KIF13A: variants seen among roughly 807,000 people sequenced by gnomAD.
The protein encoded by KIF13A is kinesin-like protein KIF13A.
A neutral mutation model predicts 212.2 loss-of-function variants in KIF13A; 79 were observed. The ratio of observed to expected loss-of-function variants is 0.37; its 90% CI spans 0.31 to 0.45. The LOEUF (loss-of-function observed/expected upper bound fraction) is 0.45. Ranked by LOEUF, KIF13A falls within the 20% of genes least tolerant of loss-of-function variation. The probability of loss-of-function intolerance (pLI) is 1.00; values close to 1 mark genes in which losing one functional copy is unlikely to be tolerated. For missense variants in KIF13A, 1,901 were observed against 2,209.0 expected (o/e 0.86, Z 2.79); for synonymous variants, 789 against 808.6 (o/e 0.98, Z 0.41).
At position 17,898,940 on chromosome 6, in the gene KIF13A, ATCC is replaced by A. The variant is rs1430790689; in HGVS notation, c.147-763_147-761del. Among the ~76,000 whole-genome samples the A allele has an allele frequency of 3.9e-5, 6 of 152,062 alleles. No homozygotes were observed. The East Asian group carries it at 1.2e-3, about 29-fold the overall frequency. On this transcript the variant is annotated intron_variant, in intron 2 of 38. Transcript: ENST00000259711. The surrounding 1 kb of genome is among the most constrained non-coding windows in gnomAD (Gnocchi z 5.2). ...AACCTTGAACTCCTGGGCTCAACTG[ATCC>A]TCCTACCTCAGCCTCCCACATAACT...
Position 17,817,049 on chromosome 6 carries a change from C to T in KIF13A, c.1971G>A (p.Gln657=). ...DRLAYSSQTA[Q]QKVTQWAEER... is the part of the protein sequence containing the mutation. ...CTTCTGCCCACTGGGTCACCTTCTG[C>T]TGCGCTGTCTGGCTGCTGTAGGCCA... Residue 657 remains glutamine (Q), a synonymous_variant, in exon 17 of 39, where the codon CAG becomes CAA. Transcript: ENST00000259711. 6.2e-7 allele frequency: 1 copy of T among 1,612,902 alleles called. No homozygotes were observed. Among genetic ancestry groups the T allele is most frequent in the African/African-American group, 1.3e-5 (1 of 75,042 alleles).
At chr6:17,905,789 A>G (rs564153324) in intron 2 of KIF13A, among the ~76,000 whole-genome samples, 2 of 152,294 alleles carry the variant, frequency 1.3e-5, no homozygotes, top group South Asian at 2.1e-4. Context: ...CCACAGACTC[A>G]TGGGATTGTT....
intron 16 of KIF13A, among the ~76,000 whole-genome samples, chr6:17,821,588 T>TGTGTGTGTGTGTGTGTGTGTGA (rs11270201): frequency 1.4e-5 from 2 of 146,300 alleles, no homozygotes; most frequent in African/African-American, 5.0e-5. Flanking sequence ...TGTGTGTGTG[T>TGTGTGTGTGTGTGTGTGTGTGA]TGGGGGTGGG....
intron 2 of KIF13A, among the ~76,000 whole-genome samples, chr6:17,941,522 C>T (rs544137471): frequency 1.3e-5 from 2 of 152,170 alleles, no homozygotes; most frequent in East Asian, 3.9e-4. Context: ...GGACCTAATG[C>T]ATTATGACTG....
At chr6:17,893,454 T>C (rs1239459246) in intron 3 of KIF13A, among the ~76,000 whole-genome samples, 1 of 152,246 alleles carries the variant, frequency 6.6e-6, no homozygotes. Context: ...TTTGACCTTT[T>C]TTCTGCCACC....
chr6:17,920,433 T>C (rs1371761016), intron 2 of KIF13A, among the ~76,000 whole-genome samples: 1 of 152,184 alleles, frequency 6.6e-6, no homozygotes, highest in Admixed American at 6.5e-5. Context: ...GCTTGAGACA[T>C]TAAAAAGAAA....
chr6:17,779,154 A>C, intron 32 of KIF13A, 55 bp from the exon 33 acceptor site: 3 of 1,518,490 alleles, frequency 2.0e-6, no homozygotes, highest in Non-Finnish European at 2.7e-6. Context: ...GTTTTCATCC[A>C]AAGTGTGGTG....
At position 17,783,353 on chromosome 6, in the gene KIF13A, G is replaced by T. The variant is rs1322635829; in HGVS notation, c.3544+293C>A. Among the ~76,000 whole-genome samples, 4 of 152,220 alleles carry T rather than the reference G, an allele frequency of 2.6e-5. No individual in the cohort carries two copies. Among genetic ancestry groups the T allele is most frequent in the Non-Finnish European group, 5.9e-5 (4 of 68,036 alleles). The stretch of plus-strand genomic sequence containing the variant: ...ATGCAGATTCATAGGCCCTTGCCAA[G>T]CCTAAAGACTCAGAATCTCTAGGGG... On this transcript the variant is annotated intron_variant, in intron 29 of 38. Coordinates refer to ENST00000259711, the MANE Select transcript of KIF13A (RefSeq NM_022113.6). This position sits in a 1 kb window ranked among gnomAD's most constrained non-coding sequence, Gnocchi z 4.3.
In KIF13A at chr6:17,777,409, A is replaced by G; in HGVS notation, c.4093-55T>C. ...TTTTTTTTTTTTTCCCCAGAGACAG[A>G]GTCTCACTCTGTTGCCCAGGCTGGA... On this transcript the variant is annotated intron_variant, in intron 33 of 38. Coordinates refer to ENST00000259711, the MANE Select transcript of KIF13A (RefSeq NM_022113.6). The surrounding 1 kb of genome is among the most constrained non-coding windows in gnomAD (Gnocchi z 4.4). 1 of 1,396,064 alleles carries G rather than the reference A, an allele frequency of 7.2e-7. No individual in the cohort carries two copies. The highest frequency in any genetic ancestry group is 9.9e-7 in the Non-Finnish European group (1 of 1,005,066). 86.5% of individuals were successfully genotyped at this position (1,396,064 alleles called of 1,614,324 possible).
rs774923874 is a variant in KIF13A at position 17,787,697 on chromosome 6, T to G, written c.3361+79A>C. On this transcript the variant is annotated intron_variant, in intron 27 of 38. Coordinates refer to ENST00000259711, the MANE Select transcript of KIF13A (RefSeq NM_022113.6). The surrounding 1 kb of genome is among the most constrained non-coding windows in gnomAD (Gnocchi z 4.6). ...ACAAAAATAAGATACTACTGTCCAGTTAGGGGAAGAAAACGACCTACTGCC... is the reference window on the plus strand; with the variant it reads ...ACAAAAATAAGATACTACTGTCCAGGTAGGGGAAGAAAACGACCTACTGCC... 32 of 808,352 alleles carry G rather than the reference T, an allele frequency of 4.0e-5. No homozygotes were observed. Among genetic ancestry groups the G allele is most frequent in the Non-Finnish European group, 6.6e-5 (30 of 457,008 alleles). The allele number at this position is 808,352 out of a possible 1,614,324, so 50.1% of individuals were successfully genotyped here.
chr6:17,873,206 C>T (rs909965405), intron 4 of KIF13A, 171 bp downstream of exon 4: 5 of 534,786 alleles, frequency 9.3e-6, no homozygotes, highest in Non-Finnish European at 1.6e-5. Flanking sequence ...AAGTGGCAGA[C>T]CCAGATTCTG....
downstream of KIF13A, among the ~76,000 whole-genome samples, chr6:17,762,313 G>C (rs1320995014): frequency 6.6e-6 from 1 of 151,164 alleles, no homozygotes; most frequent in African/African-American, 2.4e-5. Flanking sequence ...CCTGGGTTCA[G>C]GTGATTCTCC....
chr6:17,861,129 T>C (rs886353614), intron 4 of KIF13A, among the ~76,000 whole-genome samples: 2 of 152,164 alleles, frequency 1.3e-5, no homozygotes, highest in Non-Finnish European at 2.9e-5. Context: ...TAAAGTTTTA[T>C]TCATAATTGG....
At chr6:17,907,517 C>T (rs1197725036) in intron 2 of KIF13A, among the ~76,000 whole-genome samples, 16 of 148,512 alleles carry the variant, frequency 1.1e-4, no homozygotes, top group Non-Finnish European at 3.0e-5. Context: ...GAGAAGCCTA[C>T]ACAGAGTGAA....
At chr6:17,890,808 A>ATAATAATAATAATAATAT (rs1284459353) in intron 3 of KIF13A, among the ~76,000 whole-genome samples, 4 of 148,632 alleles carry the variant, frequency 2.7e-5, no homozygotes, top group African/African-American at 7.4e-5. Flanking sequence ...AATAATAATA[A>ATAATAATAATAATAATAT]TAATAATAAT....
chr6:17,769,183 A>G lies in KIF13A; in HGVS notation c.4581+1931T>C, dbSNP rs1407841613. Among the ~76,000 whole-genome samples the G allele has an allele frequency of 6.6e-6, 1 of 152,220 alleles. No homozygotes were observed. Among genetic ancestry groups the G allele is most frequent in the Non-Finnish European group, 1.5e-5 (1 of 68,044 alleles). On this transcript the variant is annotated intron_variant, in intron 38 of 38. Coordinates refer to ENST00000259711, the MANE Select transcript of KIF13A (RefSeq NM_022113.6). The surrounding 1 kb of genome is among the most constrained non-coding windows in gnomAD (Gnocchi z 5.8). ...AAAACAGTCTGTACCCATTTATAAG[A>G]GAAAAAACAAAATTAAAGTTTCCCA...
Position 17,796,827 on chromosome 6 carries a change from T to C in KIF13A, c.2791-7A>G, listed in dbSNP as rs1762076531. 2 of 1,486,162 alleles carry C rather than the reference T, an allele frequency of 1.3e-6. No individual in the cohort carries two copies. The highest frequency in any genetic ancestry group is 9.0e-7 in the Non-Finnish European group (1 of 1,112,060). 92.1% of individuals were successfully genotyped at this position (1,486,162 alleles called of 1,614,324 possible). The stretch of plus-strand genomic sequence containing the variant: ...TTACATTCACCACATAGTCCTGGGA[T>C]AAGTGGGGGAAAGCAAAAGAATTAT... On this transcript the variant is annotated splice_polypyrimidine_tract_variant and splice_region_variant and intron_variant, in intron 22 of 38. Transcript: ENST00000259711.
At chr6:17,878,632 A>G (rs2150446065) in intron 3 of KIF13A, among the ~76,000 whole-genome samples, 1 of 152,296 alleles carries the variant, frequency 6.6e-6, no homozygotes, top group East Asian at 1.9e-4. Flanking sequence ...AAAGCTAGAC[A>G]TTTACATTCA....
rs921861575 is a variant in KIF13A at position 17,900,460 on chromosome 6, T to C, written c.147-2280A>G. On this transcript the variant is annotated intron_variant, in intron 2 of 38. Transcript: ENST00000259711. This position sits in a 1 kb window ranked among gnomAD's most constrained non-coding sequence, Gnocchi z 4.6. ...TAGAAGATAGCCCATAACATGGGAA[T>C]ACCAATATAATTCTGCTACCTTCTT... Among the ~76,000 whole-genome samples, 2 of 152,244 alleles carry C rather than the reference T, an allele frequency of 1.3e-5. No individual in the cohort carries two copies. Among genetic ancestry groups the C allele is most frequent in the Non-Finnish European group, 2.9e-5 (2 of 68,040 alleles).
Sources: gnomAD v4.1 joint callset for allele counts (sites outside exome capture counted in the v4.1 genomes callset) on GRCh38, gnomAD v4.1.1 for gene constraint, Gnocchi (gnomAD v3.1) non-coding constraint, MANE v1.5 for transcripts, NCBI Gene and HGNC (gene_info 2026-07-23, HGNC 2026-07-21) for gene names.